Variants in FHIT observed in about 807,000 individuals in gnomAD.
FHIT encodes bis(5'-adenosyl)-triphosphatase.
Under a neutral mutation model 17.9 loss-of-function variants are expected in FHIT, and 19 were observed. The observed-to-expected ratio is 1.06, with a 90% CI of 0.74 to 1.56. The LOEUF (loss-of-function observed/expected upper bound fraction) is 1.56. Among genes scored for constraint, FHIT ranks in the 40% most tolerant of loss-of-function variants. The pLI is 0.00. For missense variants in FHIT, 248 were observed against 189.2 expected, an observed-to-expected ratio of 1.31 and a Z score of -1.82; for synonymous variants, 81 against 69.7, an observed-to-expected ratio of 1.16 and a Z score of -0.81.
At chr3:60,875,326 A>G (rs1704594326) in intron 3 of FHIT, among the ~76,000 whole-genome samples, 1 of 152,180 alleles carries the variant, frequency 6.6e-6, no homozygotes, top group South Asian at 2.1e-4. Flanking sequence ...ACCCTGTTAC[A>G]ATGTGTGACT....
At chr3:60,442,698 A>G (rs1048036572) in intron 5 of FHIT, among the ~76,000 whole-genome samples, 3 of 152,156 alleles carry the variant, frequency 2.0e-5, no homozygotes, top group African/African-American at 7.2e-5. Flanking sequence ...GTTTGAAGTC[A>G]GGTAGTGTGA....
In FHIT at chr3:60,058,629, A is replaced by T. The variant is rs1390665711; in HGVS notation, c.104-44477T>A. On this transcript the variant is annotated intron_variant, in intron 5 of 9. Coordinates refer to ENST00000492590, the MANE Select transcript of FHIT (RefSeq NM_002012.4). ...TTTGAAAGATGCCACATCTGCCCTG[A>T]TTCCAAAGCTCTTTCTTAGAATTGA... Among the ~76,000 whole-genome samples, 2 of 152,188 alleles carry T rather than the reference A, an allele frequency of 1.3e-5. 1 individual carries two copies. Among genetic ancestry groups the T allele is most frequent in the Non-Finnish European group, 2.9e-5 (2 of 68,032 alleles).
At chr3:60,500,817 A>G (rs1294547502) in intron 5 of FHIT, among the ~76,000 whole-genome samples, 2 of 148,814 alleles carry the variant, frequency 1.3e-5, no homozygotes, top group Admixed American at 1.4e-4. Context: ...TGCTCTATTC[A>G]TTAGGTCAGC....
intron 4 of FHIT, among the ~76,000 whole-genome samples, chr3:60,713,417 T>G (rs1455870954): frequency 6.7e-6 from 1 of 149,288 alleles, no homozygotes; most frequent in Non-Finnish European, 1.5e-5. Flanking sequence ...AGGCAAGAAA[T>G]AACTAAAATC....
intron 5 of FHIT, 120 bp downstream of exon 5, chr3:60,536,740 A>T: frequency 9.3e-7 from 1 of 1,073,216 alleles, no homozygotes; most frequent in Non-Finnish European, 1.3e-6. Context: ...TGGGAGGGAG[A>T]TGGATTCTTT....
rs1372314541 is a variant in FHIT at position 59,972,889 on chromosome 3, ACATGTTGCTCTT to A, written c.279+38470_279+38481del. On this transcript the variant is annotated intron_variant, in intron 7 of 9. Coordinates refer to ENST00000492590, the MANE Select transcript of FHIT (RefSeq NM_002012.4). The stretch of plus-strand genomic sequence containing the variant: ...CCTAGTGCTTTCATCAAATTGATCT[ACATGTTGCTCTT>A]CAGTCACAGGCTCCCTCACTTCCGT... Among the ~76,000 whole-genome samples, 3 of 151,998 alleles carry A rather than the reference ACATGTTGCTCTT, an allele frequency of 2.0e-5. No individual in the cohort carries two copies. In the East Asian group the frequency reaches 5.8e-4, roughly 29 times the overall value.
intron 5 of FHIT, among the ~76,000 whole-genome samples, chr3:60,296,383 G>A (rs62248493): frequency 0.52 from 78,809 of 151,974 alleles, 21,378 homozygotes; most frequent in East Asian, 0.96. Context: ...GATGTGCAGC[G>A]ATATCTCAAC....
intron 8 of FHIT, among the ~76,000 whole-genome samples, chr3:59,798,667 G>C (rs1575513084): frequency 6.6e-6 from 1 of 152,234 alleles, no homozygotes; most frequent in East Asian, 1.9e-4. Flanking sequence ...TATAGGCTTT[G>C]GGTTTGGGAA....
At chr3:61,240,626 T>C (rs1485232240) in intron 1 of FHIT, among the ~76,000 whole-genome samples, 2 of 152,214 alleles carry the variant, frequency 1.3e-5, no homozygotes, top group Middle Eastern at 3.2e-3. Flanking sequence ...TGAGTCTCTC[T>C]AAACTTGATG....
intron 7 of FHIT, among the ~76,000 whole-genome samples, chr3:59,987,179 A>C (rs144897010): frequency 0.011 from 1,649 of 145,502 alleles, 29 homozygotes; most frequent in African/African-American, 0.039. Flanking sequence ...ATATTTATAT[A>C]TTTTTTCTAT....
chr3:60,533,066 T>C (rs2035844931), intron 5 of FHIT, among the ~76,000 whole-genome samples: 1 of 152,190 alleles, frequency 6.6e-6, no homozygotes, highest in South Asian at 2.1e-4. Context: ...AATTAACATG[T>C]AAAGAAATGG....
chr3:60,339,552 C>G (rs752885618), intron 5 of FHIT, among the ~76,000 whole-genome samples: 1 of 152,158 alleles, frequency 6.6e-6, no homozygotes, highest in African/African-American at 2.4e-5. Flanking sequence ...GCGAGCCGAT[C>G]AGTTTACCCA....
At chr3:60,173,907 A>ATATG (rs1197871060) in intron 5 of FHIT, among the ~76,000 whole-genome samples, 1 of 73,354 alleles carries the variant, frequency 1.4e-5, no homozygotes, top group Non-Finnish European at 2.5e-5. Flanking sequence ...ATATATATAT[A>ATATG]TATATATATG....
chr3:60,241,826 G>A (rs1219093557), intron 5 of FHIT, among the ~76,000 whole-genome samples: 1 of 152,054 alleles, frequency 6.6e-6, no homozygotes, highest in Non-Finnish European at 1.5e-5. Context: ...CTATAAAAGA[G>A]GAAGAAGTGG....
chr3:60,320,199 G>A (rs1314529984), intron 5 of FHIT, among the ~76,000 whole-genome samples: 1 of 152,116 alleles, frequency 6.6e-6, no homozygotes, highest in Non-Finnish European at 1.5e-5. Context: ...CAATTACAAC[G>A]TTAAGCTTCC....
rs1204708615 is a variant in FHIT at position 61,214,329 on chromosome 3, C to T, written c.-212-13664G>A. On this transcript the variant is annotated intron_variant, in intron 1 of 9. Transcript: ENST00000492590. Reference sequence around the variant, plus strand: ...GTAAAAAATGATAAAGGGGATATCACCACCAATCCCATAGAAATACAAACT... The same window carrying T: ...GTAAAAAATGATAAAGGGGATATCATCACCAATCCCATAGAAATACAAACT... 2.0e-5 allele frequency among the ~76,000 whole-genome samples: 3 copies of T among 152,210 alleles called. No homozygotes were observed. The East Asian group carries it at 5.8e-4, about 29-fold the overall frequency.
intron 2 of FHIT, among the ~76,000 whole-genome samples, chr3:61,046,552 T>C (rs546252990): frequency 2.0e-4 from 31 of 152,208 alleles, no homozygotes; most frequent in African/African-American, 7.5e-4. Context: ...AGCCGAATTC[T>C]ACCAGAGGTA....
At chr3:60,205,851 G>T (rs779929105) in intron 5 of FHIT, among the ~76,000 whole-genome samples, 1 of 152,004 alleles carries the variant, frequency 6.6e-6, no homozygotes, top group Non-Finnish European at 1.5e-5. Flanking sequence ...GCTCACGCCT[G>T]TAATCCCAGC....
chr3:59,998,428 C>T (rs1236784145), intron 7 of FHIT, among the ~76,000 whole-genome samples: 2 of 151,974 alleles, frequency 1.3e-5, no homozygotes, highest in African/African-American at 4.8e-5. Context: ...GAGGAAAAGC[C>T]TAGAAAAGGC....
Sources: gnomAD v4.1 joint callset for allele counts (sites outside exome capture counted in the v4.1 genomes callset) on GRCh38, gnomAD v4.1.1 for gene constraint, MANE v1.5 for transcripts, NCBI Gene and HGNC (gene_info 2026-07-23, HGNC 2026-07-21) for gene names.